Variants in RBMS3 observed in about 807,000 individuals in gnomAD.
The protein encoded by RBMS3 is RNA-binding motif, single-stranded-interacting protein 3.
In RBMS3, 27 loss-of-function variants were observed where a neutral mutation model predicts 66.8. That is an observed-to-expected ratio of 0.40 (90% CI 0.30 to 0.56). The LOEUF is 0.56. RBMS3 is among the 20% of genes least tolerant of loss of function. The probability of loss-of-function intolerance (pLI) is 0.40; values close to 1 mark genes in which losing one functional copy is unlikely to be tolerated. For missense variants in RBMS3, 513 were observed against 549.5 expected (o/e 0.93, Z 0.66); for synonymous variants, 188 against 183.0 (o/e 1.03, Z -0.22).
chr3:29,950,909 G>A (rs1350585596), intron 12 of RBMS3, among the ~76,000 whole-genome samples: 1 of 151,806 alleles, frequency 6.6e-6, no homozygotes, highest in Non-Finnish European at 1.5e-5. Flanking sequence ...CTCTCCAGAT[G>A]AATGAATATA....
At chr3:29,317,653 A>G (rs2034764348) in intron 1 of RBMS3, among the ~76,000 whole-genome samples, 1 of 151,876 alleles carries the variant, frequency 6.6e-6, no homozygotes, top group African/African-American at 2.4e-5. Flanking sequence ...AAAAAATGTG[A>G]AAGAAATTGT....
intron 4 of RBMS3, among the ~76,000 whole-genome samples, chr3:29,684,779 T>TACAC (rs10570309): frequency 0.024 from 3,545 of 145,734 alleles, 158 homozygotes; most frequent in African/African-American, 0.082. Context: ...GTTTGTTATG[T>TACAC]ACACACACAC....
chr3:29,892,731 A>G (rs188464969), intron 8 of RBMS3, among the ~76,000 whole-genome samples: 103 of 151,544 alleles, frequency 6.8e-4, no homozygotes, highest in Non-Finnish European at 8.3e-4. Flanking sequence ...ACATAAATTC[A>G]TATGTTTAGA....
intron 3 of RBMS3, among the ~76,000 whole-genome samples, chr3:29,514,817 C>A (rs565927440): frequency 2.0e-5 from 3 of 150,592 alleles, no homozygotes; most frequent in Non-Finnish European, 4.4e-5. Context: ...ATATGATAGG[C>A]ATATATATAA....
chr3:29,777,805 T>C (rs1252260589), intron 6 of RBMS3, among the ~76,000 whole-genome samples: 1 of 151,872 alleles, frequency 6.6e-6, no homozygotes, highest in Non-Finnish European at 1.5e-5. Context: ...CAATTAGATT[T>C]TTTTTTCTAA....
At position 29,843,909 on chromosome 3, in the gene RBMS3, T is replaced by G. The variant is rs141522799; in HGVS notation, c.638-24949T>G. Reference sequence around the variant, plus strand: ...AGAGGTTGCAGTGAGCCGAGATTGCTCCACTGCACTCCAGCCTGGGAGACA... The same window carrying G: ...AGAGGTTGCAGTGAGCCGAGATTGCGCCACTGCACTCCAGCCTGGGAGACA... On this transcript the variant is annotated intron_variant, in intron 6 of 14. Coordinates refer to ENST00000383767, the MANE Select transcript of RBMS3 (RefSeq NM_001003793.3). Among the ~76,000 whole-genome samples, 1,031 of 150,772 alleles carry G rather than the reference T, an allele frequency of 6.8e-3. 2 individuals carry two copies. Among genetic ancestry groups the G allele is most frequent in the Non-Finnish European group, 0.01 (711 of 67,774 alleles).
At chr3:29,673,675 A>G (rs1324035003) in intron 4 of RBMS3, among the ~76,000 whole-genome samples, 1 of 152,170 alleles carries the variant, frequency 6.6e-6, no homozygotes, top group Admixed American at 6.5e-5. Flanking sequence ...AAATTCCTGG[A>G]CAAATATACC....
intron 4 of RBMS3, among the ~76,000 whole-genome samples, chr3:29,595,675 G>A (rs1459156580): frequency 6.6e-6 from 1 of 152,174 alleles, no homozygotes; most frequent in East Asian, 1.9e-4. Context: ...CGTAGATTCT[G>A]ATCCCACTGA....
intron 1 of RBMS3, among the ~76,000 whole-genome samples, chr3:29,294,095 T>G (rs903669700): frequency 6.6e-6 from 1 of 151,804 alleles, no homozygotes; most frequent in Non-Finnish European, 1.5e-5. Context: ...TGCCCTGCAA[T>G]GTATAGTATG....
At chr3:29,918,050 A>G (rs149762450) in intron 10 of RBMS3, among the ~76,000 whole-genome samples, 5 of 152,230 alleles carry the variant, frequency 3.3e-5, no homozygotes, top group African/African-American at 1.2e-4. Context: ...AAGCTCAGAG[A>G]GGTTAATTGT....
chr3:29,903,723 A>G (rs944108798), intron 10 of RBMS3, among the ~76,000 whole-genome samples: 4 of 151,978 alleles, frequency 2.6e-5, no homozygotes, highest in African/African-American at 9.7e-5. Flanking sequence ...GTGTTATATC[A>G]TCTCAAGGAG....
intron 6 of RBMS3, among the ~76,000 whole-genome samples, chr3:29,791,260 C>T (rs1200623922): frequency 1.3e-5 from 2 of 152,026 alleles, no homozygotes; most frequent in Non-Finnish European, 1.5e-5. Flanking sequence ...CTGCATTGAT[C>T]TCATCTTAAA....
chr3:29,472,287 T>G lies in RBMS3; in HGVS notation c.249-16154T>G, dbSNP rs149078721. On this transcript the variant is annotated intron_variant, in intron 2 of 14. Coordinates refer to ENST00000383767, the MANE Select transcript of RBMS3 (RefSeq NM_001003793.3). ...ATCTTGGCTCACTGCAACCTCCACT[T>G]CCCCGGTTCAAGCGATTCCCGCCTC... 6.1e-3 allele frequency among the ~76,000 whole-genome samples: 925 copies of G among 151,896 alleles called. 3 individuals carry two copies. Among genetic ancestry groups the G allele is most frequent in the Non-Finnish European group, 0.011 (718 of 67,958 alleles).
At chr3:29,665,272 A>C (rs1220830747) in intron 4 of RBMS3, among the ~76,000 whole-genome samples, 2 of 152,148 alleles carry the variant, frequency 1.3e-5, no homozygotes, top group Admixed American at 1.3e-4. Flanking sequence ...AGAATAACCA[A>C]ATTCTACATT....
At chr3:29,568,027 T>C (rs2046808561) in intron 3 of RBMS3, among the ~76,000 whole-genome samples, 1 of 152,228 alleles carries the variant, frequency 6.6e-6, no homozygotes, top group African/African-American at 2.4e-5. Flanking sequence ...TTGCTAACTT[T>C]AATTTTCCAA....
At chr3:29,764,080 G>T (rs2055818918) in intron 6 of RBMS3, among the ~76,000 whole-genome samples, 1 of 150,886 alleles carries the variant, frequency 6.6e-6, no homozygotes, top group Non-Finnish European at 1.5e-5. Flanking sequence ...TACAAAAAGA[G>T]AAATATTTTT....
At chr3:29,653,263 C>A (rs1228943226) in intron 4 of RBMS3, among the ~76,000 whole-genome samples, 1 of 152,046 alleles carries the variant, frequency 6.6e-6, no homozygotes, top group Non-Finnish European at 1.5e-5. Context: ...TCCTCATCTG[C>A]AAAATTGGGA....
intron 1 of RBMS3, among the ~76,000 whole-genome samples, chr3:29,408,904 T>C (rs923066609): frequency 6.6e-6 from 1 of 152,210 alleles, no homozygotes; most frequent in African/African-American, 2.4e-5. Flanking sequence ...ATTCCTTTCT[T>C]TTAAGGATGC....
chr3:29,952,328 A>C (rs1337655970), intron 12 of RBMS3, among the ~76,000 whole-genome samples: 1 of 151,898 alleles, frequency 6.6e-6, no homozygotes, highest in East Asian at 1.9e-4. Flanking sequence ...ACCTACCAGA[A>C]GATCAATATT....
Sources: allele counts gnomAD v4.1 joint callset (sites outside exome capture counted in the v4.1 genomes callset), GRCh38; gene constraint gnomAD v4.1.1; transcripts MANE v1.5; gene names NCBI Gene and HGNC (gene_info 2026-07-23, HGNC 2026-07-21).